The following MTTP variants were observed in gnomAD, a reference collection of about 807,000 sequenced individuals.
MTTP encodes microsomal triglyceride transfer protein large subunit.
A neutral mutation model predicts 90.6 loss-of-function variants in MTTP; 49 were observed. That is an observed-to-expected ratio of 0.54 (90% confidence interval 0.43 to 0.69). The LOEUF (loss-of-function observed/expected upper bound fraction) is 0.69. MTTP is among the 30% of genes least tolerant of loss of function. MTTP has a pLI of 0.00. For missense variants in MTTP, 945 were observed against 1,067.5 expected (o/e 0.89, Z 1.60); for synonymous variants, 347 against 384.2 (o/e 0.90, Z 1.13).
At chr4:99,600,419 T>G in intron 8 of MTTP, 146 bp from the exon 9 acceptor site, 1 of 828,840 alleles carries the variant, frequency 1.2e-6, no homozygotes, top group Non-Finnish European at 1.9e-6. Flanking sequence ...TTTGAGAAAG[T>G]CTTAATCATT....
chr4:99,591,956 T>C (rs1725434690), intron 6 of MTTP, among the ~76,000 whole-genome samples, 166 bp downstream of exon 6: 1 of 152,106 alleles, frequency 6.6e-6, no homozygotes. Context: ...GGCAATTTCA[T>C]CACTGTGCAA....
intron 12 of MTTP, 138 bp downstream of exon 12, chr4:99,609,115 T>A: frequency 2.4e-6 from 2 of 838,084 alleles, no homozygotes; most frequent in Non-Finnish European, 2.0e-6. Context: ...AGATTTCCCA[T>A]AATAGGGCTA....
chr4:99,583,611 A>G (rs1489167114), intron 3 of MTTP, 94 bp downstream of exon 3: 9 of 1,412,572 alleles, frequency 6.4e-6, no homozygotes, highest in Non-Finnish European at 9.0e-6. Flanking sequence ...CATTGTAACT[A>G]CTTTTATGGT....
In MTTP at chr4:99,591,715, TAGCTGTGCTTGCTGA is replaced by T; in HGVS notation, c.686_700del (p.Ala229_Glu233del). On this transcript the variant is annotated inframe_deletion, in exon 6 of 18. Coordinates refer to ENST00000265517, the MANE Select transcript of MTTP (RefSeq NM_001386140.1). ...TATAAGATAGAAGACAGCTTTGTTA[TAGCTGTGCTTGCTGA>T]AGAAACACACAATTTTGGACTGAAT... The T allele has an allele frequency of 6.2e-7, 1 of 1,612,018 alleles. No homozygotes were observed. Among genetic ancestry groups the T allele is most frequent in the Non-Finnish European group, 8.5e-7 (1 of 1,178,358 alleles).
At chr4:99,580,035 CAAAA>C (rs34092272) in intron 1 of MTTP, among the ~76,000 whole-genome samples, 1 of 60,610 alleles carries the variant, frequency 1.6e-5, no homozygotes, top group Non-Finnish European at 3.3e-5. Flanking sequence ...GACCCTGTCT[CAAAA>C]AAAAAAAAAA....
intron 3 of MTTP, among the ~76,000 whole-genome samples, chr4:99,584,786 A>G (rs780150056): frequency 1.4e-4 from 22 of 151,998 alleles, no homozygotes; most frequent in Admixed American, 9.2e-4. Flanking sequence ...TTGCTAGATT[A>G]TGGGTGTTGG....
At chr4:99,578,646 G>A (rs1339585212) in intron 1 of MTTP, among the ~76,000 whole-genome samples, 1 of 152,162 alleles carries the variant, frequency 6.6e-6, no homozygotes, top group African/African-American at 2.4e-5. Context: ...GAAAAGAAGT[G>A]AATAACATAA....
Position 99,621,106 on chromosome 4 carries a change from T to A in MTTP, c.2388T>A (p.Phe796Leu). The change falls in exon 17 of 18, where the codon TTT becomes TTA. Residue 796 changes from phenylalanine (F) to leucine (L), a missense_variant. Transcript: ENST00000265517. The stretch of plus-strand genomic sequence containing the variant: ...CTGACATCACAGTGGACTCCTCTTT[T>A]GTGAAAGCTGGCCTGGAAACCAGTA... Reference protein sequence around the residue: ...ITTDITVDSSFVKAGLETSTE... With the variant: ...ITTDITVDSSLVKAGLETSTE... The A allele has an allele frequency of 1.2e-6, 2 of 1,614,158 alleles. No individual in the cohort carries two copies. Among genetic ancestry groups the A allele is most frequent in the Non-Finnish European group, 8.5e-7 (1 of 1,179,988 alleles).
chr4:99,597,197 T>C lies in MTTP; in HGVS notation c.1040T>C (p.Ile347Thr). 6.2e-7 allele frequency: 1 copy of C among 1,613,832 alleles called. No individual in the cohort carries two copies. The highest frequency in any genetic ancestry group is 8.5e-7 in the Non-Finnish European group (1 of 1,179,848). ...GCGAAGAAAGAAGAGATCCTTCAAA[T>C]ACTAAAGATGGAAAATAAGGAAGTA... ...RTAKKEEILQ[I>T]LKMENKEVLP... Residue 347 changes from isoleucine to threonine, a missense_variant, in exon 8 of 18, where the codon ATA (isoleucine) becomes ACA (threonine). Ile to Thr is a moderately conservative substitution (Grantham distance 89). Coordinates refer to ENST00000265517, the MANE Select transcript of MTTP (RefSeq NM_001386140.1).
chr4:99,616,302 G>A (rs1490068154), intron 15 of MTTP, among the ~76,000 whole-genome samples: 1 of 152,164 alleles, frequency 6.6e-6, no homozygotes, highest in African/African-American at 2.4e-5. Context: ...GCTGAGGTGG[G>A]GGTGAGAGGA....
intron 12 of MTTP, 122 bp from the exon 13 acceptor site, chr4:99,611,021 G>C: frequency 2.0e-6 from 2 of 988,172 alleles, no homozygotes; most frequent in East Asian, 2.6e-5. Flanking sequence ...CTGGCTCTTG[G>C]AAAGGCATGA....
intron 8 of MTTP, among the ~76,000 whole-genome samples, chr4:99,598,599 G>A (rs1330321389): frequency 1.4e-5 from 2 of 146,508 alleles, no homozygotes; most frequent in East Asian, 4.1e-4. Flanking sequence ...AACTAAAATT[G>A]GAAAATTTAG....
Position 99,608,279 on chromosome 4 carries a change from T to C in MTTP, c.1558-487T>C, listed in dbSNP as rs144902950. Among the ~76,000 whole-genome samples the C allele has an allele frequency of 1.0e-3, 153 of 152,208 alleles. 1 individual carries two copies. The highest frequency in any genetic ancestry group is 3.6e-3 in the African/African-American group (148 of 41,538). Reference sequence around the variant, plus strand: ...GGCCAACATAGTGAAACCCCATCTCTACTAAAAATACAAAAATCAGCTGGG... The same window carrying C: ...GGCCAACATAGTGAAACCCCATCTCCACTAAAAATACAAAAATCAGCTGGG... On this transcript the variant is annotated intron_variant, in intron 11 of 17. Coordinates refer to ENST00000265517, the MANE Select transcript of MTTP (RefSeq NM_001386140.1).
chr4:99,610,562 T>A (rs938043803), intron 12 of MTTP, among the ~76,000 whole-genome samples: 1 of 152,206 alleles, frequency 6.6e-6, no homozygotes, highest in Non-Finnish European at 1.5e-5. Flanking sequence ...GAAATGAACA[T>A]CTTAACACTA....
intron 1 of MTTP, among the ~76,000 whole-genome samples, chr4:99,566,894 A>C (rs1439124807): frequency 6.6e-6 from 1 of 152,216 alleles, no homozygotes; most frequent in Non-Finnish European, 1.5e-5. Context: ...ATCATTACAA[A>C]TTCCATTATT....
chr4:99,601,367 A>G lies in MTTP; in HGVS notation c.1237-240A>G, dbSNP rs191695248. On this transcript the variant is annotated intron_variant, in intron 9 of 17. Transcript: ENST00000265517. ...TTCATTGACCCCATGAATCCAATCCATAAATTTCCAGGGTTAAGAATTCCC... is the reference window on the plus strand; with the variant it reads ...TTCATTGACCCCATGAATCCAATCCGTAAATTTCCAGGGTTAAGAATTCCC... Among the ~76,000 whole-genome samples the G allele has an allele frequency of 5.8e-3, 811 of 140,838 alleles. 1 individual carries two copies. The highest frequency in any genetic ancestry group is 9.5e-3 in the Non-Finnish European group (626 of 65,710). The allele number at this position is 140,838 out of a possible 152,430, so 92.4% of individuals were successfully genotyped here. A position where few individuals can be genotyped will look rare whatever the true frequency, so the allele number is the denominator to read the frequency against.
At chr4:99,595,467 T>C (rs1398078468) in intron 7 of MTTP, 2 of 162,086 alleles carry the variant, frequency 1.2e-5, no homozygotes, top group Admixed American at 5.8e-5. Flanking sequence ...GAATCAGTTA[T>C]GATATACATT....
In MTTP at chr4:99,594,893, G is replaced by A. The variant is rs141087440; in HGVS notation, c.909+10G>A. On this transcript the variant is annotated intron_variant, in intron 7 of 17. Transcript: ENST00000265517. ...TAAAGGATGTCCTTCTGTAAGTGCA[G>A]ACAAATATGGGAATAATCATGACAT... is the stretch of plus-strand genomic sequence containing the variant. The A allele has an allele frequency of 1.2e-6, 2 of 1,613,358 alleles. No homozygotes were observed. Among genetic ancestry groups the A allele is most frequent in the East Asian group, 4.5e-5 (2 of 44,854 alleles).
chr4:99,569,416 G>A (rs994331107), intron 1 of MTTP, among the ~76,000 whole-genome samples: 7 of 150,970 alleles, frequency 4.6e-5, no homozygotes, highest in African/African-American at 1.7e-4. Context: ...CCTAAATAAA[G>A]TATGAATTTT....
Sources: gnomAD v4.1 joint callset for allele counts (sites outside exome capture counted in the v4.1 genomes callset) on GRCh38, gnomAD v4.1.1 for gene constraint, MANE v1.5 for transcripts, NCBI Gene and HGNC (gene_info 2026-07-23, HGNC 2026-07-21) for gene names.